The following REG4 variants were observed in gnomAD, a reference collection of about 807,000 sequenced individuals.
REG4 encodes regenerating islet-derived protein 4.
REG4 carries 16 observed loss-of-function variants against 22.3 expected under a neutral mutation model. The observed-to-expected ratio is 0.72, with a 90% confidence interval of 0.49 to 1.09. The LOEUF is 1.09. Ranked by LOEUF, REG4 falls within the 50% of genes least tolerant of loss-of-function variation. The pLI, the probability that REG4 is intolerant of heterozygous loss-of-function variation, is 0.00. For missense variants in REG4, 214 were observed against 193.9 expected (o/e 1.10, Z -0.61); for synonymous variants, 71 against 69.2 (o/e 1.03, Z -0.13).
At chr1:119,800,302 A>G (rs1322006051) in intron 3 of REG4, among the ~76,000 whole-genome samples, 1 of 152,230 alleles carries the variant, frequency 6.6e-6, no homozygotes, top group African/African-American at 2.4e-5. Flanking sequence ...TTTGTGTCCC[A>G]CGAAGAAAGA....
intron 2 of REG4, among the ~76,000 whole-genome samples, chr1:119,806,515 A>G (rs1654324185): frequency 6.6e-6 from 1 of 152,222 alleles, no homozygotes; most frequent in Non-Finnish European, 1.5e-5. Flanking sequence ...GGTCAAGCAC[A>G]TTCGTTGAGA....
chr1:119,801,121 C>A (rs903957403), intron 3 of REG4: 12 of 152,236 alleles, frequency 7.9e-5, no homozygotes, highest in African/African-American at 2.9e-4. Flanking sequence ...AATTCTTATT[C>A]TGTAACCAGA....
chr1:119,794,280 C>T lies in REG4; in HGVS notation c.*338G>A, dbSNP rs1370103256. 4.6e-5 allele frequency: 26 copies of T among 564,364 alleles called. No individual in the cohort carries two copies. Among genetic ancestry groups the T allele is most frequent in the Non-Finnish European group, 3.6e-6 (1 of 281,674 alleles). 35.0% of individuals were successfully genotyped at this position (564,364 alleles called of 1,614,324 possible). Reference sequence around the variant, plus strand: ...TAGAAGCTTACTCCTGAGTTTCTTCCTTCTGTCTTCAAATCTTTACTTCTT... The same window carrying T: ...TAGAAGCTTACTCCTGAGTTTCTTCTTTCTGTCTTCAAATCTTTACTTCTT... On this transcript the variant is annotated 3_prime_UTR_variant, in exon 6 of 6. Transcript: ENST00000256585.
intron 5 of REG4, among the ~76,000 whole-genome samples, chr1:119,798,292 G>A (rs587599305): frequency 1.3e-5 from 2 of 152,300 alleles, no homozygotes; most frequent in South Asian, 2.1e-4. Context: ...CTGGTACATT[G>A]ATGTGACAAA....
intron 2 of REG4, among the ~76,000 whole-genome samples, chr1:119,805,511 G>A (rs1168671254): frequency 6.6e-6 from 1 of 152,070 alleles, no homozygotes; most frequent in Non-Finnish European, 1.5e-5. Flanking sequence ...CTGGATCCAA[G>A]CCATGAAAGC....
In REG4 at chr1:119,794,499, GC is replaced by G. The variant is rs1046245269; in HGVS notation, c.*118del. 4.4e-6 allele frequency: 4 copies of G among 911,166 alleles called. No homozygotes were observed. In the African/African-American group the frequency reaches 6.6e-5, roughly 15 times the overall value. The allele number at this position is 911,166 out of a possible 1,614,324, so 56.4% of individuals were successfully genotyped here. A position where few individuals can be genotyped will look rare whatever the true frequency, so the allele number is the denominator to read the frequency against. On this transcript the variant is annotated 3_prime_UTR_variant, in exon 6 of 6. Transcript: ENST00000256585. Reference sequence around the variant, plus strand: ...AGCCTAAAAAAGCCAGTGTAGTAGGGCCCTTATCACTCTTAGTTTGCTAGGT... The same window carrying G: ...AGCCTAAAAAAGCCAGTGTAGTAGGGCCTTATCACTCTTAGTTTGCTAGGT...
rs143784058 is a variant in REG4, at chr1:119,800,003, G to A, written c.166-141C>T. Reference sequence around the variant, plus strand: ...CATCGTGCTCTAAGCCCCACAGAAGGCTTCCTGCCACCCTGGGAAAAAACA... The same window carrying A: ...CATCGTGCTCTAAGCCCCACAGAAGACTTCCTGCCACCCTGGGAAAAAACA... On this transcript the variant is annotated intron_variant, in intron 3 of 5. Transcript: ENST00000256585. The A allele has an allele frequency of 3.8e-5, 41 of 1,079,844 alleles. No individual in the cohort carries two copies. The African/African-American group carries it at 6.1e-4, about 16-fold the overall frequency. 66.9% of individuals were successfully genotyped at this position (1,079,844 alleles called of 1,614,324 possible).
intron 2 of REG4, among the ~76,000 whole-genome samples, chr1:119,806,024 C>T (rs1330757645): frequency 9.2e-5 from 14 of 152,174 alleles, no homozygotes; most frequent in African/African-American, 1.9e-4. Flanking sequence ...CTCGACTTCC[C>T]GGGCTCAGGT....
intron 5 of REG4, 30 bp from the exon 6 acceptor site, chr1:119,794,715 C>A (rs777246193): frequency 1.9e-6 from 3 of 1,595,474 alleles, no homozygotes; most frequent in South Asian, 2.2e-5. Context: ...TATTTAAATC[C>A]ATTCAGTACT....
Position 119,794,124 on chromosome 1 carries a change from C to T in REG4, c.*494G>A, listed in dbSNP as rs1480022189. On this transcript the variant is annotated 3_prime_UTR_variant, in exon 6 of 6. Transcript: ENST00000256585. ...TGGTTTATTAAAGGAATGTATGGCCCACATCAACCTAGCAAGGATTCTACT... is the reference window on the plus strand; with the variant it reads ...TGGTTTATTAAAGGAATGTATGGCCTACATCAACCTAGCAAGGATTCTACT... The T allele has an allele frequency of 3.7e-6, 2 of 533,624 alleles. No homozygotes were observed. Among genetic ancestry groups the T allele is most frequent in the East Asian group, 5.4e-5 (1 of 18,384 alleles). 33.1% of individuals were successfully genotyped at this position (533,624 alleles called of 1,614,324 possible).
At chr1:119,808,282 C>G (rs185368237) in intron 2 of REG4, among the ~76,000 whole-genome samples, 1 of 152,284 alleles carries the variant, frequency 6.6e-6, no homozygotes, top group African/African-American at 2.4e-5. Flanking sequence ...TGTATAAGCG[C>G]CATCTCTCTA....
chr1:119,810,579 C>G (rs1199280301), intron 1 of REG4, among the ~76,000 whole-genome samples: 2 of 152,194 alleles, frequency 1.3e-5, no homozygotes, highest in Admixed American at 6.5e-5. Flanking sequence ...CTTTGCTAAA[C>G]TTTCCTTCCA....
At chr1:119,804,684 T>C (rs587715231) in intron 2 of REG4, among the ~76,000 whole-genome samples, 1 of 152,374 alleles carries the variant, frequency 6.6e-6, no homozygotes, top group East Asian at 1.9e-4. Flanking sequence ...AGTACCACTG[T>C]CACTAGCTTT....
Position 119,803,131 on chromosome 1 carries a change from C to T in REG4, c.102G>A (p.Trp34Ter), listed in dbSNP as rs2101071187. 6.5e-7 allele frequency: 1 copy of T among 1,533,434 alleles called. No homozygotes were observed. Among genetic ancestry groups the T allele is most frequent in the Admixed American group, 2.1e-5 (1 of 46,574 alleles). The allele number at this position is 1,533,434 out of a possible 1,614,324, so 95.0% of individuals were successfully genotyped here. ...IIMRPSCAPGWFYHKSNCYGY... is the reference protein window; with the variant it reads ...IIMRPSCAPG ...CATAGCAATTGGACTTGTGGTAAAA[C>T]CATCCAGGAGCACAGCTGGGTCTCA... Residue 34 changes from tryptophan to a stop codon, truncating the protein, a stop_gained, in exon 3 of 6, where the codon TGG becomes TGA. Coordinates refer to ENST00000256585, the MANE Select transcript of REG4 (RefSeq NM_032044.4). LOFTEE classifies it high-confidence loss of function.
intron 2 of REG4, among the ~76,000 whole-genome samples, chr1:119,807,567 T>C (rs1214184823): frequency 6.6e-6 from 1 of 152,172 alleles, no homozygotes; most frequent in Non-Finnish European, 1.5e-5. Flanking sequence ...CCTGGCCACA[T>C]AGAAATGGCC....
Position 119,808,792 on chromosome 1 carries a change from A to G in REG4, c.-23T>C, listed in dbSNP as rs373430078. 2.2e-5 allele frequency: 34 copies of G among 1,578,172 alleles called. No individual in the cohort carries two copies. Among genetic ancestry groups the G allele is most frequent in the Non-Finnish European group, 3.0e-5 (34 of 1,148,174 alleles). On this transcript the variant is annotated 5_prime_UTR_variant, in exon 2 of 6. Transcript: ENST00000256585. ...CATCTTCCTCCTACCCTGAGGATGT[A>G]GCTAGTGCAAGGATCTCAGAGACCT...
At chr1:119,802,312 C>A in intron 3 of REG4, 1 of 983,506 alleles carries the variant, frequency 1.0e-6, no homozygotes, top group Non-Finnish European at 1.2e-6. Context: ...CTTTCTAAGG[C>A]GGGAGAATAC....
intron 2 of REG4, among the ~76,000 whole-genome samples, chr1:119,804,021 A>T (rs1255119834): frequency 6.6e-6 from 1 of 152,190 alleles, no homozygotes; most frequent in African/African-American, 2.4e-5. Context: ...TCCATTGGTG[A>T]ATGTGCCATG....
intron 2 of REG4, 34 bp from the exon 3 acceptor site, chr1:119,803,199 A>G (rs771423115): frequency 1.3e-6 from 2 of 1,496,914 alleles, no homozygotes; most frequent in East Asian, 2.3e-5. Context: ...GCACATTATG[A>G]TAGCAAAAAC....
Sources: gnomAD v4.1 joint callset for allele counts (sites outside exome capture counted in the v4.1 genomes callset) on GRCh38, gnomAD v4.1.1 for gene constraint, MANE v1.5 for transcripts, NCBI Gene and HGNC (gene_info 2026-07-23, HGNC 2026-07-21) for gene names.